The following GMPR variants were observed in gnomAD, a reference collection of about 807,000 sequenced individuals.
GMPR encodes the protein GMP reductase 1.
A neutral mutation model predicts 38.4 loss-of-function variants in GMPR; 31 were observed. That is an observed-to-expected ratio of 0.81 (90% CI 0.61 to 1.09). The LOEUF is 1.09. GMPR is among the 50% of genes least tolerant of loss of function. The probability of loss-of-function intolerance (pLI) is 0.00; values close to 1 mark genes in which losing one functional copy is unlikely to be tolerated. For missense variants in GMPR, 468 were observed against 453.7 expected (o/e 1.03, Z -0.29); for synonymous variants, 162 against 173.3 (o/e 0.93, Z 0.51).
intron 6 of GMPR, among the ~76,000 whole-genome samples, chr6:16,284,442 C>G (rs1211534661): frequency 6.6e-6 from 1 of 152,102 alleles, no homozygotes; most frequent in Admixed American, 6.5e-5. Context: ...TGTCTTTTCT[C>G]TATTCCTTCC....
intron 1 of GMPR, 43 bp downstream of exon 1, chr6:16,238,823 TC>T (rs1758589014): frequency 8.5e-7 from 1 of 1,180,992 alleles, no homozygotes; most frequent in Non-Finnish European, 1.2e-6. Context: ...GATTTTTTTT[TC>T]CGGGTGGCGC....
At chr6:16,281,636 C>G (rs1216817245) in intron 6 of GMPR, among the ~76,000 whole-genome samples, 1 of 151,862 alleles carries the variant, frequency 6.6e-6, no homozygotes, top group African/African-American at 2.4e-5. Flanking sequence ...TCCCGAGTAG[C>G]TGGGATTACA....
rs769599165 is a variant in GMPR at position 16,245,335 on chromosome 6, G to A, written c.88-1507G>A. On this transcript the variant is annotated intron_variant, in intron 1 of 8. Coordinates refer to ENST00000259727, the MANE Select transcript of GMPR (RefSeq NM_006877.4). Reference sequence around the variant, plus strand: ...AGGACGCCTTCTGGACACAAAACCCGGTGTTGAGAAGCAAGAGAAATGTAA... The same window carrying A: ...AGGACGCCTTCTGGACACAAAACCCAGTGTTGAGAAGCAAGAGAAATGTAA... Among the ~76,000 whole-genome samples the A allele has an allele frequency of 5.3e-5, 8 of 152,268 alleles. No homozygotes were observed. The South Asian group carries it at 6.2e-4, about 12-fold the overall frequency.
chr6:16,290,359 C>T (rs970767344), intron 7 of GMPR, 103 bp from the exon 8 acceptor site: 37 of 974,402 alleles, frequency 3.8e-5, no homozygotes, highest in Middle Eastern at 4.3e-4. Context: ...TATAGCTGGG[C>T]GGGGAGGGAG....
intron 7 of GMPR, among the ~76,000 whole-genome samples, chr6:16,288,870 T>C (rs1003482790): frequency 1.3e-5 from 2 of 152,140 alleles, no homozygotes; most frequent in Admixed American, 1.3e-4. Context: ...ATCCACACTC[T>C]GTATCTAGCT....
intron 7 of GMPR, among the ~76,000 whole-genome samples, chr6:16,288,686 T>C (rs995524953): frequency 2.6e-5 from 4 of 152,182 alleles, no homozygotes; most frequent in South Asian, 2.1e-4. Context: ...GCAGCCCCAG[T>C]GCGGATCCAC....
intron 4 of GMPR, among the ~76,000 whole-genome samples, chr6:16,261,532 A>C (rs1366000533): frequency 6.6e-6 from 1 of 152,000 alleles, no homozygotes; most frequent in Non-Finnish European, 1.5e-5. Context: ...AGGAGAGTAT[A>C]TGGGTTTGGC....
At chr6:16,251,211 A>G (rs1758868356) in intron 3 of GMPR, among the ~76,000 whole-genome samples, 1 of 152,236 alleles carries the variant, frequency 6.6e-6, no homozygotes, top group African/African-American at 2.4e-5. Flanking sequence ...TTCAACCGTA[A>G]GAAGGAGTCA....
intron 4 of GMPR, among the ~76,000 whole-genome samples, chr6:16,260,002 T>TC (rs1212168063): frequency 6.6e-6 from 1 of 152,032 alleles, no homozygotes; most frequent in Non-Finnish European, 1.5e-5. Context: ...GACAAGTTTT[T>TC]TTGGGGCACA....
chr6:16,289,622 T>A (rs1160392286), intron 7 of GMPR: 1 of 152,122 alleles, frequency 6.6e-6, no homozygotes, highest in Non-Finnish European at 1.5e-5. Flanking sequence ...AGCAGCATGG[T>A]GCGGGTGGAG....
At chr6:16,292,397 TTGG>T (rs143802094) in intron 8 of GMPR, among the ~76,000 whole-genome samples, 103 of 152,206 alleles carry the variant, frequency 6.8e-4, no homozygotes, top group Middle Eastern at 3.4e-3. Flanking sequence ...TCTCTTTCTC[TTGG>T]TGGTGAACCC....
At position 16,295,210 on chromosome 6, in the gene GMPR, G is replaced by T; in HGVS notation, c.*24G>T. On this transcript the variant is annotated 3_prime_UTR_variant, in exon 9 of 9. Coordinates refer to ENST00000259727, the MANE Select transcript of GMPR (RefSeq NM_006877.4). ...AACCCTGGGGACAAAGCAGCGTCTG[G>T]CTCGAGTGGAAGCGTCCAAACCTGC... 6.7e-7 allele frequency: 1 copy of T among 1,481,694 alleles called. No homozygotes were observed. 91.8% of individuals were successfully genotyped at this position (1,481,694 alleles called of 1,614,324 possible).
At chr6:16,290,157 GAGTT>G (rs1029554145) in intron 7 of GMPR, 15 of 279,570 alleles carry the variant, frequency 5.4e-5, no homozygotes, top group African/African-American at 2.1e-4. Flanking sequence ...GATTCTAAGA[GAGTT>G]AGATCTGAGG....
chr6:16,238,939 C>T (rs1460139209), intron 1 of GMPR, among the ~76,000 whole-genome samples, 159 bp downstream of exon 1: 1 of 152,050 alleles, frequency 6.6e-6, no homozygotes, highest in Non-Finnish European at 1.5e-5. Flanking sequence ...CCTGCCAGGA[C>T]GTGAGGTGTC....
intron 2 of GMPR, among the ~76,000 whole-genome samples, chr6:16,247,738 G>C (rs1055388466): frequency 1.3e-5 from 2 of 152,084 alleles, no homozygotes; most frequent in Non-Finnish European, 2.9e-5. Flanking sequence ...AGGAAACTGA[G>C]GCAGAGAGGG....
intron 7 of GMPR, chr6:16,289,847 AATTTT>A (rs1759800149): frequency 1.1e-5 from 1 of 90,124 alleles, no homozygotes. Flanking sequence ...GATACTGCCC[AATTTT>A]TTTTTTTTTT....
At chr6:16,270,392 T>C (rs1224450697) in intron 4 of GMPR, among the ~76,000 whole-genome samples, 4 of 152,230 alleles carry the variant, frequency 2.6e-5, no homozygotes, top group Admixed American at 2.6e-4. Flanking sequence ...CTGAGCCTGC[T>C]GTGCTGCTAC....
At chr6:16,241,245 A>G (rs1758643498) in intron 1 of GMPR, among the ~76,000 whole-genome samples, 1 of 152,076 alleles carries the variant, frequency 6.6e-6, no homozygotes. Context: ...TGGCTGAGGG[A>G]GGAGGGTTTT....
Position 16,244,009 on chromosome 6 carries a change from T to G in GMPR, c.88-2833T>G, listed in dbSNP as rs531403851. Among the ~76,000 whole-genome samples the G allele has an allele frequency of 2.0e-5, 3 of 152,126 alleles. No homozygotes were observed. In the South Asian group the frequency reaches 6.2e-4, roughly 32 times the overall value. ...TTTCCTCTGTGCACACATAAGGATT[T>G]GGGTGAGAAGGGAAGAGGGGTGGAC... is the stretch of plus-strand genomic sequence containing the variant. On this transcript the variant is annotated intron_variant, in intron 1 of 8. Coordinates refer to ENST00000259727, the MANE Select transcript of GMPR (RefSeq NM_006877.4).
Sources: allele counts gnomAD v4.1 joint callset (sites outside exome capture counted in the v4.1 genomes callset), GRCh38; gene constraint gnomAD v4.1.1; transcripts MANE v1.5; gene names NCBI Gene and HGNC (gene_info 2026-07-23, HGNC 2026-07-21).